INPP4B: variants seen among roughly 807,000 people sequenced by gnomAD.
The protein encoded by INPP4B is inositol polyphosphate 4-phosphatase type II.
A neutral mutation model predicts 122.5 loss-of-function variants in INPP4B; 55 were observed. The observed-to-expected ratio is 0.45, with a 90% CI of 0.36 to 0.56. The LOEUF is 0.56. Among genes scored for constraint, INPP4B ranks in the 20% least tolerant of loss-of-function variants. The pLI is 0.00. For missense variants in INPP4B, 1,000 were observed against 1,097.7 expected, an observed-to-expected ratio of 0.91 and a Z score of 1.26; for synonymous variants, 403 against 388.7, an observed-to-expected ratio of 1.04 and a Z score of -0.43.
intron 2 of INPP4B, among the ~76,000 whole-genome samples, chr4:142,602,557 G>A (rs6845652): frequency 0.78 from 118,259 of 152,048 alleles, 46,978 homozygotes; most frequent in Non-Finnish European, 0.85. Context: ...GCCAGAGGAC[G>A]TGAACAGACA....
intron 18 of INPP4B, among the ~76,000 whole-genome samples, chr4:142,131,057 T>C (rs1284919816): frequency 6.6e-6 from 1 of 152,258 alleles, no homozygotes; most frequent in Non-Finnish European, 1.5e-5. Context: ...GTATTTGTTG[T>C]AGCACAAAAG....
At chr4:142,194,322 CT>C (rs1299256746) in intron 14 of INPP4B, among the ~76,000 whole-genome samples, 2 of 152,134 alleles carry the variant, frequency 1.3e-5, no homozygotes, top group Non-Finnish European at 2.9e-5. Flanking sequence ...TAGAAGTCAG[CT>C]CTTATTAAGA....
chr4:142,528,671 T>TC (rs1185514587), intron 2 of INPP4B, among the ~76,000 whole-genome samples: 1 of 152,060 alleles, frequency 6.6e-6, no homozygotes, highest in Non-Finnish European at 1.5e-5. Context: ...TGAACCAGGA[T>TC]CAGTGAGACC....
At chr4:142,251,761 C>T (rs1210622243) in intron 11 of INPP4B, among the ~76,000 whole-genome samples, 1 of 152,102 alleles carries the variant, frequency 6.6e-6, no homozygotes, top group East Asian at 1.9e-4. Context: ...CAAAGGGATG[C>T]CTCTCCTTCC....
intron 15 of INPP4B, among the ~76,000 whole-genome samples, chr4:142,192,525 T>C (rs1836448482): frequency 1.3e-5 from 2 of 152,016 alleles, no homozygotes; most frequent in South Asian, 2.1e-4. Flanking sequence ...AAAAGCTTTA[T>C]AAGGCAATAT....
chr4:142,385,869 T>A (rs534451079), intron 7 of INPP4B, among the ~76,000 whole-genome samples: 6 of 152,344 alleles, frequency 3.9e-5, no homozygotes, highest in African/African-American at 1.4e-4. Flanking sequence ...TAAATCATGA[T>A]AATTAAATAA....
chr4:142,483,917 A>G (rs1273421539), intron 2 of INPP4B, among the ~76,000 whole-genome samples: 1 of 151,998 alleles, frequency 6.6e-6, no homozygotes, highest in Non-Finnish European at 1.5e-5. Flanking sequence ...GTCCTGGTGG[A>G]TGTTGGTGAG....
At chr4:142,507,838 A>G (rs566891207) in intron 2 of INPP4B, among the ~76,000 whole-genome samples, 3 of 152,248 alleles carry the variant, frequency 2.0e-5, no homozygotes, top group Admixed American at 2.0e-4. Context: ...TGATGATTCC[A>G]TAAGTCCCAA....
chr4:142,172,434 T>G (rs1320301762), intron 16 of INPP4B, among the ~76,000 whole-genome samples: 1 of 151,914 alleles, frequency 6.6e-6, no homozygotes, highest in Non-Finnish European at 1.5e-5. Flanking sequence ...TGACGCAAAG[T>G]AAGTACTTGC....
At chr4:142,230,972 A>T (rs1358621519) in intron 12 of INPP4B, among the ~76,000 whole-genome samples, 5 of 151,912 alleles carry the variant, frequency 3.3e-5, no homozygotes, top group Admixed American at 2.0e-4. Flanking sequence ...TTATGAGAAC[A>T]CTTCACCGCC....
intron 2 of INPP4B, among the ~76,000 whole-genome samples, chr4:142,674,548 C>T (rs1757451954): frequency 6.6e-6 from 1 of 152,188 alleles, no homozygotes; most frequent in Non-Finnish European, 1.5e-5. Context: ...ACAGAACTCT[C>T]CACCTCAAAT....
At chr4:142,412,855 T>C (rs920999750) in intron 5 of INPP4B, among the ~76,000 whole-genome samples, 3 of 152,144 alleles carry the variant, frequency 2.0e-5, no homozygotes, top group Non-Finnish European at 4.4e-5. Context: ...CCAACATATG[T>C]GTTACTCTCA....
chr4:142,041,751 C>T (rs988118597), intron 25 of INPP4B, among the ~76,000 whole-genome samples: 1 of 152,108 alleles, frequency 6.6e-6, no homozygotes. Context: ...ATTGAAATGC[C>T]TCAGGATTCA....
intron 1 of INPP4B, among the ~76,000 whole-genome samples, chr4:142,808,699 A>G (rs954462922): frequency 6.6e-6 from 1 of 152,182 alleles, no homozygotes; most frequent in African/African-American, 2.4e-5. Flanking sequence ...CATGTAATTT[A>G]TGATCAGAAC....
intron 7 of INPP4B, among the ~76,000 whole-genome samples, chr4:142,386,670 G>C (rs1561984688): frequency 6.6e-6 from 1 of 152,178 alleles, no homozygotes; most frequent in Non-Finnish European, 1.5e-5. Context: ...TCTGATATCT[G>C]TATGCCACGT....
At chr4:142,819,552 C>T (rs1423956927) in intron 1 of INPP4B, among the ~76,000 whole-genome samples, 1 of 152,172 alleles carries the variant, frequency 6.6e-6, no homozygotes, top group Non-Finnish European at 1.5e-5. Flanking sequence ...CTACAGCTAT[C>T]TACCAATCTG....
chr4:142,284,377 C>A (rs1051589983), intron 9 of INPP4B, among the ~76,000 whole-genome samples: 1 of 152,050 alleles, frequency 6.6e-6, no homozygotes, highest in Non-Finnish European at 1.5e-5. Flanking sequence ...GAATCTAAAA[C>A]ACTAGACAGA....
At chr4:142,473,764 G>C (rs1488979631) in intron 2 of INPP4B, among the ~76,000 whole-genome samples, 5 of 152,170 alleles carry the variant, frequency 3.3e-5, no homozygotes, top group Admixed American at 3.3e-4. Flanking sequence ...AGCAGGGCTG[G>C]TGACTCCATG....
chr4:142,589,493 A>G (rs867835920), intron 2 of INPP4B, among the ~76,000 whole-genome samples: 8 of 152,120 alleles, frequency 5.3e-5, no homozygotes, highest in Middle Eastern at 3.2e-3. Flanking sequence ...TCATCAAAAA[A>G]AGGAATACAG....
Sources: allele counts gnomAD v4.1 joint callset (sites outside exome capture counted in the v4.1 genomes callset), GRCh38; gene constraint gnomAD v4.1.1; transcripts MANE v1.5; gene names NCBI Gene and HGNC (gene_info 2026-07-23, HGNC 2026-07-21).